The following PRKDC variants were observed in gnomAD, a reference collection of about 807,000 sequenced individuals.
PRKDC encodes the protein DNA-dependent protein kinase catalytic subunit.
A neutral mutation model predicts 486.9 loss-of-function variants in PRKDC; 82 were observed. The ratio of observed to expected loss-of-function variants is 0.17; its 90% CI spans 0.14 to 0.20. The LOEUF (loss-of-function observed/expected upper bound fraction) is 0.20. Ranked by LOEUF, PRKDC falls within the 10% of genes least tolerant of loss-of-function variation. The pLI, the probability that PRKDC is intolerant of heterozygous loss-of-function variation, is 1.00. For missense variants in PRKDC, 4,504 were observed against 5,038.2 expected (o/e 0.89, Z 3.21); for synonymous variants, 1,895 against 1,837.0 (o/e 1.03, Z -0.81).
chr8:47,918,231 G>T, intron 22 of PRKDC, 46 bp downstream of exon 22: 2 of 1,267,452 alleles, frequency 1.6e-6, no homozygotes, highest in Non-Finnish European at 2.2e-6. Flanking sequence ...GTTAGAATCT[G>T]ATCTCTGCAT....
intron 76 of PRKDC, 99 bp from the exon 77 acceptor site, chr8:47,785,416 A>C (rs970157679): frequency 5.3e-6 from 5 of 937,970 alleles, no homozygotes; most frequent in African/African-American, 3.4e-5. Flanking sequence ...GCTCAATGGT[A>C]TATGTTTCTT....
chr8:47,921,906 G>A (rs933666725), intron 21 of PRKDC, among the ~76,000 whole-genome samples: 3 of 151,822 alleles, frequency 2.0e-5, no homozygotes, highest in African/African-American at 4.8e-5. Flanking sequence ...TCAGCCTCCC[G>A]AGTAGCCGGG....
chr8:47,825,034 G>A (rs982078228), intron 63 of PRKDC, among the ~76,000 whole-genome samples: 1 of 152,242 alleles, frequency 6.6e-6, no homozygotes, highest in Non-Finnish European at 1.5e-5. Context: ...CCTGATTACA[G>A]AATGTTAGGG....
At chr8:47,828,021 T>C (rs1351736208) in intron 62 of PRKDC, 147 bp downstream of exon 62, 1 of 616,088 alleles carries the variant, frequency 1.6e-6, no homozygotes, top group Non-Finnish European at 2.6e-6. Flanking sequence ...TCTACTCATT[T>C]GGGAAGTGGT....
At chr8:47,957,322 A>G in intron 2 of PRKDC, 33 bp downstream of exon 2, 1 of 1,589,238 alleles carries the variant, frequency 6.3e-7, no homozygotes, top group Non-Finnish European at 8.6e-7. Flanking sequence ...CCAGGAATAT[A>G]CAAGAAAAGC....
intron 7 of PRKDC, among the ~76,000 whole-genome samples, chr8:47,947,260 A>C (rs946077077): frequency 6.6e-6 from 1 of 152,070 alleles, no homozygotes; most frequent in Non-Finnish European, 1.5e-5. Context: ...TCTGCGTTAC[A>C]TCCTCAGAAA....
In PRKDC at chr8:47,819,383, G is replaced by A. The variant is rs1369368016; in HGVS notation, c.9445+19C>T. The stretch of plus-strand genomic sequence containing the variant: ...TCCACAATTAGAAATGAAAAAAAAA[G>A]ACCGATGAAAAAAATTACCTTGTTT... On this transcript the variant is annotated intron_variant, in intron 67 of 85. Coordinates refer to ENST00000314191, the MANE Select transcript of PRKDC (RefSeq NM_006904.7). The A allele has an allele frequency of 7.1e-7, 1 of 1,406,026 alleles. No homozygotes were observed. Among genetic ancestry groups the A allele is most frequent in the Non-Finnish European group, 9.7e-7 (1 of 1,033,046 alleles). 87.1% of individuals were successfully genotyped at this position (1,406,026 alleles called of 1,614,324 possible). A position where few individuals can be genotyped will look rare whatever the true frequency, so the allele number is the denominator to read the frequency against.
chr8:47,834,458 GACCACCTGCCAGGAC>G, intron 58 of PRKDC, 62 bp from the exon 59 acceptor site: 1 of 1,555,420 alleles, frequency 6.4e-7, no homozygotes, highest in Non-Finnish European at 8.8e-7. Context: ...CACGGGGCAG[GACCACCTGCCAGGAC>G]ACACCTGGTG....
chr8:47,874,017 C>T (rs1294949568), intron 40 of PRKDC, among the ~76,000 whole-genome samples: 1 of 141,660 alleles, frequency 7.1e-6, no homozygotes, highest in African/African-American at 2.7e-5. Context: ...GACGGAGTCT[C>T]GCTCAGTCAC....
intron 43 of PRKDC, 33 bp from the exon 44 acceptor site, chr8:47,862,160 G>C (rs1193020088): frequency 6.6e-7 from 1 of 1,505,038 alleles, no homozygotes; most frequent in Non-Finnish European, 9.0e-7. Context: ...AAAAATAGCT[G>C]AATGGTGAAG....
rs2089498344 is a variant in PRKDC, at chr8:47,893,132, G to A, written c.3847+7C>T. On this transcript the variant is annotated splice_region_variant and intron_variant, in intron 31 of 85. Transcript: ENST00000314191. The stretch of plus-strand genomic sequence containing the variant: ...ACACACACCAGAATAAGGCAAGGGT[G>A]ACCTACCTAGGACCTGGAGCGCTCC... 1 of 1,583,122 alleles carries A rather than the reference G, an allele frequency of 6.3e-7. No individual in the cohort carries two copies. Among genetic ancestry groups the A allele is most frequent in the African/African-American group, 1.3e-5 (1 of 74,436 alleles).
Position 47,933,065 on chromosome 8 carries a change from C to T in PRKDC, c.1731G>A (p.Glu577=), listed in dbSNP as rs948518671. 7.5e-6 allele frequency: 12 copies of T among 1,597,498 alleles called. No homozygotes were observed. The highest frequency in any genetic ancestry group is 2.7e-5 in the African/African-American group (2 of 74,410). ...EFVKSVLKIV[E]KLDLTLEIQT... ...GTATTTCAAGTGTAAGATCCAATTT[C>T]TCAACAATCTTCAAAACGGATTTTA... is the stretch of plus-strand genomic sequence containing the variant. The change falls in exon 16 of 86, where the codon GAG becomes GAA. Residue 577 remains glutamate, a synonymous_variant. Transcript: ENST00000314191.
At chr8:47,784,981 T>G in intron 77 of PRKDC, 132 bp downstream of exon 77, 3 of 888,104 alleles carry the variant, frequency 3.4e-6, no homozygotes, top group Non-Finnish European at 5.2e-6. Context: ...AAAAATTCGG[T>G]GAATTTTAAA....
At position 47,954,232 on chromosome 8, in the gene PRKDC, C is replaced by T. The variant is rs897365613; in HGVS notation, c.508+106G>A. ...TGGTTTATTTTCAGCAAAAAGTATT[C>T]GACTGTAAAATAAGACCTTGGTAGA... is the stretch of plus-strand genomic sequence containing the variant. On this transcript the variant is annotated intron_variant, in intron 5 of 85. Transcript: ENST00000314191. 4 of 518,136 alleles carry T rather than the reference C, an allele frequency of 7.7e-6. No individual in the cohort carries two copies. The East Asian group carries it at 1.3e-4, about 17-fold the overall frequency. The allele number at this position is 518,136 out of a possible 1,614,324, so 32.1% of individuals were successfully genotyped here. A position where few individuals can be genotyped will look rare whatever the true frequency, so the allele number is the denominator to read the frequency against.
intron 41 of PRKDC, 145 bp downstream of exon 41, chr8:47,864,411 A>G (rs2088755195): frequency 2.9e-6 from 2 of 701,534 alleles, no homozygotes; most frequent in Non-Finnish European, 4.5e-6. Context: ...CACAGGAAAT[A>G]AAGGCAGATC....
intron 14 of PRKDC, among the ~76,000 whole-genome samples, chr8:47,934,322 G>A (rs2090309319): frequency 6.6e-6 from 1 of 152,216 alleles, no homozygotes; most frequent in African/African-American, 2.4e-5. Flanking sequence ...CGGATCACCT[G>A]AGGTCAAGAG....
chr8:47,935,014 G>T lies in PRKDC; in HGVS notation c.1492C>A (p.Pro498Thr). 1 of 1,518,456 alleles carries T rather than the reference G, an allele frequency of 6.6e-7. No homozygotes were observed. The highest frequency in any genetic ancestry group is 8.9e-7 in the Non-Finnish European group (1 of 1,122,712). The allele number at this position is 1,518,456 out of a possible 1,614,324, so 94.1% of individuals were successfully genotyped here. The change falls in exon 14 of 86, where the codon CCA becomes ACA. Residue 498 changes from proline (P) to threonine (T), a missense_variant. Pro to Thr is a conservative substitution (Grantham distance 38). Coordinates refer to ENST00000314191, the MANE Select transcript of PRKDC (RefSeq NM_006904.7). ...ACATTAAATTCAGAATTTACCTTTG[G>T]AAGGACCACTGGTTTAGAACATATT... ...IRICSKPVVLPKGPESESEDH... is the reference protein window; with the variant it reads ...IRICSKPVVLTKGPESESEDH...
At chr8:47,781,863 G>A (rs1219356045) in intron 80 of PRKDC, among the ~76,000 whole-genome samples, 1 of 152,254 alleles carries the variant, frequency 6.6e-6, no homozygotes, top group Middle Eastern at 3.4e-3. Context: ...TAAAAATTGA[G>A]AACAGTACCT....
intron 21 of PRKDC, among the ~76,000 whole-genome samples, chr8:47,926,018 A>G (rs2090151820): frequency 6.6e-6 from 1 of 152,224 alleles, no homozygotes; most frequent in Admixed American, 6.5e-5. Context: ...GATAGGGTAC[A>G]TGTTTAACAG....
Sources: allele counts gnomAD v4.1 joint callset (sites outside exome capture counted in the v4.1 genomes callset), GRCh38; gene constraint gnomAD v4.1.1; transcripts MANE v1.5; gene names NCBI Gene and HGNC (gene_info 2026-07-23, HGNC 2026-07-21).